Variants in ACSL6 observed in about 807,000 individuals in gnomAD.
ACSL6 encodes the protein acyl-CoA synthetase long chain family member 6.
ACSL6 carries 47 observed loss-of-function variants against 98.2 expected under a neutral mutation model. That is an observed-to-expected ratio of 0.48 (90% CI 0.38 to 0.61). ACSL6 has a LOEUF of 0.61. ACSL6 is among the 20% of genes least tolerant of loss of function. The pLI is 0.00. For synonymous variants in ACSL6, 362 were observed against 336.9 expected, an observed-to-expected ratio of 1.07 and a Z score of -0.82; for missense variants, 761 against 913.4, an observed-to-expected ratio of 0.83 and a Z score of 2.15.
intron 12 of ACSL6, among the ~76,000 whole-genome samples, 185 bp downstream of exon 12, chr5:131,973,081 T>C (rs959811789): frequency 2.0e-5 from 3 of 151,834 alleles, no homozygotes; most frequent in African/African-American, 7.3e-5. Context: ...CCCGCAGGGG[T>C]ATTTGGAGAA....
chr5:132,008,829 C>A (rs988504083), intron 1 of ACSL6, among the ~76,000 whole-genome samples: 2 of 152,210 alleles, frequency 1.3e-5, no homozygotes, highest in African/African-American at 2.4e-5. Flanking sequence ...TTAGACCCTG[C>A]GGCATGGGGC....
chr5:132,009,615 A>T (rs1755601579), intron 1 of ACSL6, among the ~76,000 whole-genome samples: 2 of 152,126 alleles, frequency 1.3e-5, no homozygotes, highest in Admixed American at 6.5e-5. Flanking sequence ...GCCTCTGTGG[A>T]AGCAGCCACT....
chr5:131,991,772 C>A lies in ACSL6; in HGVS notation c.271-805G>T, dbSNP rs407204. 9.9e-5 allele frequency among the ~76,000 whole-genome samples: 15 copies of A among 152,084 alleles called. No individual in the cohort carries two copies. In the South Asian group the frequency reaches 1.0e-3, roughly 11 times the overall value. The stretch of plus-strand genomic sequence containing the variant: ...CTTCTTCAAGCACTATTTGAGCTAC[C>A]CTGGGCTGGGCCAGAGCCTGCCACC... On this transcript the variant is annotated intron_variant, in intron 2 of 20. Transcript: ENST00000651883.
chr5:131,992,372 A>G (rs1754571830), intron 2 of ACSL6, among the ~76,000 whole-genome samples: 1 of 152,146 alleles, frequency 6.6e-6, no homozygotes, highest in African/African-American at 2.4e-5. Context: ...GGCACAGTCA[A>G]TGCTGCCAGG....
intron 11 of ACSL6, among the ~76,000 whole-genome samples, chr5:131,974,329 C>T (rs1231559407): frequency 6.6e-6 from 1 of 152,244 alleles, no homozygotes; most frequent in Non-Finnish European, 1.5e-5. Context: ...TCCCCATCTG[C>T]AGCCTGAAGA....
At chr5:131,988,947 T>C in intron 5 of ACSL6, 43 bp from the exon 6 acceptor site, 1 of 1,538,760 alleles carries the variant, frequency 6.5e-7, no homozygotes, top group African/African-American at 1.4e-5. Context: ...AAGGGGAGAT[T>C]AGAGGGCTGT....
At chr5:131,965,881 G>T (rs1752987338) in intron 17 of ACSL6, among the ~76,000 whole-genome samples, 1 of 152,188 alleles carries the variant, frequency 6.6e-6, no homozygotes, top group African/African-American at 2.4e-5. Context: ...ATGAAGGCTT[G>T]TTCTCCTGTT....
In ACSL6 at chr5:131,966,539, G is replaced by A. The variant is rs2149704144; in HGVS notation, c.1597-7C>T. ...TTGGTCCTCTCACACATATCTATGG[G>A]ACAAAAACCATGGCTTCTCTCAGCC... On this transcript the variant is annotated splice_polypyrimidine_tract_variant and splice_region_variant and intron_variant, in intron 16 of 20. Coordinates refer to ENST00000651883, the MANE Select transcript of ACSL6 (RefSeq NM_001009185.3). 6.2e-7 allele frequency: 1 copy of A among 1,612,190 alleles called. No homozygotes were observed. Among genetic ancestry groups the A allele is most frequent in the Non-Finnish European group, 8.5e-7 (1 of 1,178,336 alleles).
At chr5:131,983,103 C>T (rs1214900917) in intron 9 of ACSL6, 2 of 152,214 alleles carry the variant, frequency 1.3e-5, no homozygotes, top group Admixed American at 6.5e-5. Flanking sequence ...GGCATATGAA[C>T]TCACAAGGAT....
At position 131,952,881 on chromosome 5, in the gene ACSL6, T is replaced by G. The variant is rs1752221159; in HGVS notation, c.*1353A>C. On this transcript the variant is annotated 3_prime_UTR_variant, in exon 21 of 21. Coordinates refer to ENST00000651883, the MANE Select transcript of ACSL6 (RefSeq NM_001009185.3). ...TTAAAGAGGTTTATCAAAGTTATAT[T>G]GTTGAAAAACTATTTTCCCTGGAAA... is the stretch of plus-strand genomic sequence containing the variant. 4.6e-6 allele frequency: 1 copy of G among 216,000 alleles called. No individual in the cohort carries two copies. The highest frequency in any genetic ancestry group is 2.3e-5 in the African/African-American group (1 of 44,364). The allele number at this position is 216,000 out of a possible 1,614,324, so 13.4% of individuals were successfully genotyped here.
At chr5:131,988,002 A>G (rs1359413438) in intron 7 of ACSL6, 46 bp downstream of exon 7, 2 of 1,599,286 alleles carry the variant, frequency 1.3e-6, no homozygotes, top group Non-Finnish European at 1.7e-6. Context: ...TGACTTGGTG[A>G]CCAGCCAGCA....
Position 132,011,641 on chromosome 5 carries a change from C to G in ACSL6, c.-88G>C. The G allele has an allele frequency of 7.9e-7, 1 of 1,262,668 alleles. No homozygotes were observed. The highest frequency in any genetic ancestry group is 1.0e-6 in the Non-Finnish European group (1 of 1,001,902). The allele number at this position is 1,262,668 out of a possible 1,614,324, so 78.2% of individuals were successfully genotyped here. ...GCAGCCCAGCAGCCCCAGCAGTAGC[C>G]GCGCCGCCGCCGCCGCTGCCGGGTA... On this transcript the variant is annotated 5_prime_UTR_variant, in exon 1 of 21. Coordinates refer to ENST00000651883, the MANE Select transcript of ACSL6 (RefSeq NM_001009185.3). This position sits in a 1 kb window ranked among gnomAD's most constrained non-coding sequence, Gnocchi z 5.4.
intron 18 of ACSL6, among the ~76,000 whole-genome samples, chr5:131,962,119 G>T (rs1169062162): frequency 6.6e-6 from 1 of 151,592 alleles, no homozygotes; most frequent in African/African-American, 2.4e-5. Context: ...GATGGCTAGA[G>T]CCCAGGAGGG....
intron 1 of ACSL6, among the ~76,000 whole-genome samples, chr5:132,008,970 G>C (rs1755566309): frequency 6.6e-6 from 1 of 152,206 alleles, no homozygotes; most frequent in African/African-American, 2.4e-5. Context: ...TGTCCTCTAG[G>C]TGTTTATGGC....
chr5:131,974,963 A>T lies in ACSL6; in HGVS notation c.998T>A (p.Ile333Asn), dbSNP rs1378017970. ...SGFLKVTEKV[I>N]FPRQDDVLIS... The stretch of plus-strand genomic sequence containing the variant: ...GAGCACATCGTCCTGTCTCGGAAAG[A>T]TCACTTTCTGCAGGCGACGGGCATG... Residue 333 changes from isoleucine to asparagine, a missense_variant, in exon 11 of 21, where the codon ATC (isoleucine) becomes AAC (asparagine). Coordinates refer to ENST00000651883, the MANE Select transcript of ACSL6 (RefSeq NM_001009185.3). The T allele has an allele frequency of 6.2e-7, 1 of 1,613,978 alleles. No homozygotes were observed. Among genetic ancestry groups the T allele is most frequent in the South Asian group, 1.1e-5 (1 of 91,030 alleles).
Position 131,971,631 on chromosome 5 carries a change from C to T in ACSL6, c.1353G>A (p.Gly451=). 1.2e-6 allele frequency: 2 copies of T among 1,607,944 alleles called. No individual in the cohort carries two copies. Among genetic ancestry groups the T allele is most frequent in the Non-Finnish European group, 8.5e-7 (1 of 1,176,502 alleles). Residue 451 remains glycine (G), a synonymous_variant, in exon 14 of 21, where the codon GGG becomes GGA. Transcript: ENST00000651883. ...FFNKIQASLG[G]CVRMIVTGAA... is the part of the protein sequence containing the mutation. ...CTCCAGTAACAATCATCCGCACACA[C>T]CCACCAAGACTGGCCTGTGGGAAGA... is the stretch of plus-strand genomic sequence containing the variant.
At chr5:132,001,469 G>A (rs1755081574) in intron 1 of ACSL6, among the ~76,000 whole-genome samples, 1 of 152,162 alleles carries the variant, frequency 6.6e-6, no homozygotes, top group African/African-American at 2.4e-5. Context: ...CATAAGACCA[G>A]GGCAGAAATG....
At position 131,989,400 on chromosome 5, in the gene ACSL6, T is replaced by C. The variant is rs1295234004; in HGVS notation, c.552+7A>G. 6.8e-6 allele frequency: 11 copies of C among 1,613,514 alleles called. No homozygotes were observed. Among genetic ancestry groups the C allele is most frequent in the Non-Finnish European group, 9.3e-6 (11 of 1,179,600 alleles). ...TCCCTCTAAAACCAGTCAAGGTAGA[T>C]GCTCACCTCTGGCCGATTTTGTGCA... On this transcript the variant is annotated splice_region_variant and intron_variant, in intron 5 of 20. Transcript: ENST00000651883.
chr5:131,954,511 C>T, intron 20 of ACSL6, 140 bp from the exon 21 acceptor site: 1 of 965,636 alleles, frequency 1.0e-6, no homozygotes, highest in Non-Finnish European at 1.4e-6. Context: ...ATGTTGAGAA[C>T]ATTTCAGCCT....
Sources: allele counts gnomAD v4.1 joint callset (sites outside exome capture counted in the v4.1 genomes callset), GRCh38; gene constraint gnomAD v4.1.1; non-coding constraint Gnocchi (gnomAD v3.1); transcripts MANE v1.5; gene names NCBI Gene and HGNC (gene_info 2026-07-23, HGNC 2026-07-21).